Variants in MLLT10 observed in about 807,000 individuals in gnomAD.
MLLT10 encodes the protein MLLT10 histone lysine methyltransferase DOT1L cofactor, also known as protein AF-10.
MLLT10 carries 30 observed loss-of-function variants against 129.1 expected under a neutral mutation model. The observed-to-expected ratio is 0.23, with a 90% CI of 0.17 to 0.32. The LOEUF is 0.32. Among genes scored for constraint, MLLT10 ranks in the 10% least tolerant of loss-of-function variants. MLLT10 has a pLI of 1.00. For missense variants in MLLT10, 1,119 were observed against 1,268.3 expected, an observed-to-expected ratio of 0.88 and a Z score of 1.79; for synonymous variants, 490 against 446.4, an observed-to-expected ratio of 1.10 and a Z score of -1.23.
At chr10:21,701,712 G>T (rs1414017165) in intron 13 of MLLT10, among the ~76,000 whole-genome samples, 1 of 151,914 alleles carries the variant, frequency 6.6e-6, no homozygotes, top group Non-Finnish European at 1.5e-5. Flanking sequence ...TCAGCCTCCT[G>T]AGTAGCTGGG....
intron 8 of MLLT10, among the ~76,000 whole-genome samples, chr10:21,648,083 T>C (rs1178351547): frequency 6.6e-6 from 1 of 152,228 alleles, no homozygotes; most frequent in Non-Finnish European, 1.5e-5. Context: ...ATTTTAGTCT[T>C]TGCCTTCTGA....
rs188148019 is a variant in MLLT10, at chr10:21,732,576, T to G, written c.2219-323T>G. On this transcript the variant is annotated intron_variant, in intron 17 of 22. Transcript: ENST00000307729. ...CACTTGAATTTTTAATAGGCTTTTA[T>G]TTTGATGAAAATAAAATGTCATTAC... Among the ~76,000 whole-genome samples, 500 of 152,350 alleles carry G rather than the reference T, an allele frequency of 3.3e-3. 3 individuals are homozygous for G. Among genetic ancestry groups the G allele is most frequent in the African/African-American group, 0.011 (469 of 41,584 alleles).
At chr10:21,665,830 G>C (rs149139671) in intron 9 of MLLT10, among the ~76,000 whole-genome samples, 339 of 152,096 alleles carry the variant, frequency 2.2e-3, no homozygotes, top group African/African-American at 7.5e-3. Context: ...CTGGGTTCAA[G>C]CGATCTCCCA....
chr10:21,534,136 C>G (rs1203701205), upstream of MLLT10: 3 of 343,842 alleles, frequency 8.7e-6, no homozygotes, highest in Non-Finnish European at 1.6e-5. Context: ...GACGGGGCCC[C>G]GGAGGTAGGC....
At chr10:21,611,938 T>A (rs1307335183) in intron 5 of MLLT10, among the ~76,000 whole-genome samples, 1 of 151,950 alleles carries the variant, frequency 6.6e-6, no homozygotes. Context: ...TTTCAAACCC[T>A]CTTAGATATG....
At chr10:21,578,194 C>T (rs2040997519) in intron 3 of MLLT10, among the ~76,000 whole-genome samples, 1 of 152,182 alleles carries the variant, frequency 6.6e-6, no homozygotes, top group Non-Finnish European at 1.5e-5. Context: ...TGCACCTGGC[C>T]TGGTGTTGAT....
chr10:21,689,546 A>AATATATATATATATATATGTAT (rs1323012351), intron 13 of MLLT10, among the ~76,000 whole-genome samples: 3 of 108,334 alleles, frequency 2.8e-5, no homozygotes, highest in Non-Finnish European at 3.9e-5. Context: ...TGTGTAAAGT[A>AATATATATATATATATATGTAT]ATATATATAT....
chr10:21,643,285 G>A (rs1352007676), intron 8 of MLLT10, among the ~76,000 whole-genome samples: 1 of 152,090 alleles, frequency 6.6e-6, no homozygotes, highest in Non-Finnish European at 1.5e-5. Flanking sequence ...TGCCCACCTC[G>A]GCCTTCCAAA....
chr10:21,706,261 G>A (rs891448839), intron 13 of MLLT10, among the ~76,000 whole-genome samples: 7 of 152,176 alleles, frequency 4.6e-5, no homozygotes, highest in Non-Finnish European at 1.0e-4. Flanking sequence ...TTTGTCAGAT[G>A]TTTACTATGT....
At chr10:21,633,131 G>A (rs2047152597) in intron 8 of MLLT10, among the ~76,000 whole-genome samples, 1 of 152,088 alleles carries the variant, frequency 6.6e-6, no homozygotes, top group Non-Finnish European at 1.5e-5. Context: ...TAAAAATGGG[G>A]CATTATGTTG....
intron 16 of MLLT10, among the ~76,000 whole-genome samples, chr10:21,730,566 T>G (rs2057886966): frequency 1.3e-5 from 2 of 152,146 alleles, no homozygotes; most frequent in African/African-American, 4.8e-5. Flanking sequence ...TAAGTCTAAT[T>G]TTGTCTTTCC....
chr10:21,665,972 A>G (rs1398736298), intron 9 of MLLT10, among the ~76,000 whole-genome samples: 3 of 151,680 alleles, frequency 2.0e-5, no homozygotes, highest in Non-Finnish European at 4.4e-5. Flanking sequence ...AAGTTCTGGA[A>G]TTACAGTGTG....
chr10:21,550,891 T>TAATTGAAAATTATGTGAAAAC (rs1554785555), intron 3 of MLLT10, among the ~76,000 whole-genome samples: 3 of 150,514 alleles, frequency 2.0e-5, no homozygotes, highest in African/African-American at 7.4e-5. Flanking sequence ...TTTATTCACA[T>TAATTGAAAATTATGTGAAAAC]AATTAAAAAT....
In MLLT10 at chr10:21,742,464, G is replaced by A. The variant is rs935798995; in HGVS notation, c.*481G>A. 1 of 216,392 alleles carries A rather than the reference G, an allele frequency of 4.6e-6. No individual in the cohort carries two copies. The highest frequency in any genetic ancestry group is 9.3e-6 in the Non-Finnish European group (1 of 107,602). 13.4% of individuals were successfully genotyped at this position (216,392 alleles called of 1,614,324 possible). On this transcript the variant is annotated 3_prime_UTR_variant, in exon 23 of 23. Transcript: ENST00000307729. Reference sequence around the variant, plus strand: ...TCCAAGGAACTAATTTCTTCTCCTGGAGTTGCATTGATTCAGTATTACAAA... The same window carrying A: ...TCCAAGGAACTAATTTCTTCTCCTGAAGTTGCATTGATTCAGTATTACAAA...
chr10:21,619,395 ATTTT>A (rs2131220324), intron 8 of MLLT10, among the ~76,000 whole-genome samples: 1 of 152,288 alleles, frequency 6.6e-6, no homozygotes, highest in African/African-American at 2.4e-5. Flanking sequence ...GATCGTATTT[ATTTT>A]AAGATATGCC....
chr10:21,712,112 T>TGTAA (rs1001002854), intron 13 of MLLT10, among the ~76,000 whole-genome samples: 71 of 152,354 alleles, frequency 4.7e-4, no homozygotes, highest in African/African-American at 1.7e-3. Context: ...TAATTATAGC[T>TGTAA]GTAAGGCTTT....
At chr10:21,698,843 C>A (rs1390228266) in intron 13 of MLLT10, among the ~76,000 whole-genome samples, 1 of 151,972 alleles carries the variant, frequency 6.6e-6, no homozygotes, top group Non-Finnish European at 1.5e-5. Flanking sequence ...AGCATTTTTT[C>A]ATGTATATAT....
rs2033373467 is a variant in MLLT10 at position 21,534,318 on chromosome 10, C to CG, written c.-203_-202insG. The CG allele has an allele frequency of 1.0e-5, 4 of 395,234 alleles. 1 individual carries two copies. Among genetic ancestry groups the CG allele is most frequent in the African/African-American group, 2.1e-5 (1 of 48,334 alleles). 24.5% of individuals were successfully genotyped at this position (395,234 alleles called of 1,614,324 possible). On this transcript the variant is annotated 5_prime_UTR_variant, in exon 1 of 23. Coordinates refer to ENST00000307729, the MANE Select transcript of MLLT10 (RefSeq NM_001195626.3). Reference sequence around the variant, plus strand: ...TGGCCCAGCGGGAGCCCCCCCTCCCCCCAGTGCGCCTGTGCGGAGGCCCTC... The same window carrying CG: ...TGGCCCAGCGGGAGCCCCCCCTCCCCGCCAGTGCGCCTGTGCGGAGGCCCTC...
At chr10:21,635,732 GT>G (rs754898658) in intron 8 of MLLT10, among the ~76,000 whole-genome samples, 12 of 143,378 alleles carry the variant, frequency 8.4e-5, no homozygotes, top group Admixed American at 1.4e-4. Flanking sequence ...TTTTGTTGTT[GT>G]TTTTTTTTTT....
Sources: gnomAD v4.1 joint callset for allele counts (sites outside exome capture counted in the v4.1 genomes callset) on GRCh38, gnomAD v4.1.1 for gene constraint, MANE v1.5 for transcripts, NCBI Gene and HGNC (gene_info 2026-07-23, HGNC 2026-07-21) for gene names.